Variants in EYS observed in about 807,000 individuals in gnomAD.
EYS encodes EGF-like photoreceptor maintenance factor.
Under a neutral mutation model 282.1 loss-of-function variants are expected in EYS, and 250 were observed. The observed-to-expected ratio is 0.89, with a 90% CI of 0.80 to 0.98. The LOEUF (loss-of-function observed/expected upper bound fraction) is 0.98. Among genes scored for constraint, EYS ranks in the 50% least tolerant of loss-of-function variants. EYS has a pLI of 0.00. For synonymous variants in EYS, 1,355 were observed against 1,282.9 expected (o/e 1.06, Z -1.20); for missense variants, 4,016 against 3,709.0 (o/e 1.08, Z -2.15).
chr6:65,077,157 G>GACAGT (rs1316602339), intron 12 of EYS, among the ~76,000 whole-genome samples: 1 of 152,078 alleles, frequency 6.6e-6, no homozygotes, highest in Admixed American at 6.6e-5. Flanking sequence ...ACTGCTACGA[G>GACAGT]ACAGGATCTA....
At chr6:64,232,673 T>C (rs1766462421) in intron 30 of EYS, among the ~76,000 whole-genome samples, 1 of 152,164 alleles carries the variant, frequency 6.6e-6, no homozygotes, top group Non-Finnish European at 1.5e-5. Flanking sequence ...ATTACAGGTG[T>C]GAGTCACTGC....
intron 12 of EYS, among the ~76,000 whole-genome samples, chr6:65,292,153 TATATA>T (rs1768544725): frequency 6.6e-6 from 1 of 151,708 alleles, no homozygotes; most frequent in African/African-American, 2.4e-5. Flanking sequence ...GCAACGGGCT[TATATA>T]ATATCTCCTA....
chr6:63,916,937 T>A (rs1383684035), intron 35 of EYS, among the ~76,000 whole-genome samples: 1 of 152,174 alleles, frequency 6.6e-6, no homozygotes, highest in Admixed American at 6.5e-5. Flanking sequence ...ATTAATCTTG[T>A]CTCATGTTAG....
chr6:64,806,598 A>G (rs1034852161), intron 22 of EYS, among the ~76,000 whole-genome samples: 5 of 152,168 alleles, frequency 3.3e-5, no homozygotes, highest in Non-Finnish European at 7.4e-5. Context: ...ATTAGTGTGA[A>G]TTAATTATGC....
intron 35 of EYS, among the ~76,000 whole-genome samples, chr6:63,901,228 G>A (rs1445480522): frequency 6.6e-6 from 1 of 152,124 alleles, no homozygotes; most frequent in Non-Finnish European, 1.5e-5. Context: ...TAGTTGAAAT[G>A]TACAAAGACA....
At chr6:65,592,202 TA>T (rs1266674021) in intron 2 of EYS, among the ~76,000 whole-genome samples, 2 of 151,910 alleles carry the variant, frequency 1.3e-5, no homozygotes, top group African/African-American at 2.4e-5. Flanking sequence ...TTCATAACTT[TA>T]AAAAAAGCCT....
chr6:64,960,919 G>C (rs1002098426), intron 14 of EYS, among the ~76,000 whole-genome samples: 2 of 152,070 alleles, frequency 1.3e-5, no homozygotes, highest in Admixed American at 6.6e-5. Context: ...TTGGTTTTCT[G>C]TTCCTGGGTT....
chr6:65,311,283 T>A (rs1769151996), intron 11 of EYS, among the ~76,000 whole-genome samples: 1 of 152,126 alleles, frequency 6.6e-6, no homozygotes, highest in Non-Finnish European at 1.5e-5. Flanking sequence ...GGGACATAAG[T>A]TTTACATTTA....
intron 12 of EYS, among the ~76,000 whole-genome samples, chr6:65,233,250 A>G (rs1022906569): frequency 3.9e-5 from 6 of 151,960 alleles, no homozygotes; most frequent in African/African-American, 1.2e-4. Context: ...TGTGTCATAT[A>G]TTTCTGTTGC....
At chr6:65,194,348 A>G (rs1325441543) in intron 12 of EYS, among the ~76,000 whole-genome samples, 1 of 151,994 alleles carries the variant, frequency 6.6e-6, no homozygotes, top group African/African-American at 2.4e-5. Context: ...AAATCAACTT[A>G]TAACTATCTA....
intron 26 of EYS, among the ~76,000 whole-genome samples, chr6:64,448,602 C>T (rs553381198): frequency 2.9e-4 from 44 of 152,278 alleles, no homozygotes; most frequent in Admixed American, 1.7e-3. Context: ...TGGGAGGCAC[C>T]CCCCAGTAGG....
At position 65,205,119 on chromosome 6, in the gene EYS, A is replaced by C. The variant is rs925266412; in HGVS notation, c.2023+90744T>G. Among the ~76,000 whole-genome samples the C allele has an allele frequency of 1.4e-4, 20 of 148,006 alleles. 1 individual carries two copies. Among genetic ancestry groups the C allele is most frequent in the Admixed American group, 8.2e-4 (12 of 14,720 alleles). On this transcript the variant is annotated intron_variant, in intron 12 of 42. Transcript: ENST00000503581. ...ATATATTCTAGAAGAATATATATAT[A>C]TATCTATCTCCAACTGTCGGCTGCC...
chr6:65,673,848 C>G (rs1768484529), intron 1 of EYS, among the ~76,000 whole-genome samples: 1 of 151,944 alleles, frequency 6.6e-6, no homozygotes, highest in Admixed American at 6.6e-5. Flanking sequence ...TCTACCCATA[C>G]AGTGAAAGTG....
chr6:64,471,890 G>C (rs1776132675), intron 26 of EYS, among the ~76,000 whole-genome samples: 1 of 152,156 alleles, frequency 6.6e-6, no homozygotes, highest in Non-Finnish European at 1.5e-5. Flanking sequence ...ATAAGTTCTA[G>C]TCTTCAATAG....
At chr6:64,245,168 A>C (rs1485719037) in intron 30 of EYS, among the ~76,000 whole-genome samples, 2 of 152,144 alleles carry the variant, frequency 1.3e-5, no homozygotes, top group South Asian at 4.1e-4. Flanking sequence ...AATGTCCATC[A>C]ATGATAGACT....
In EYS at chr6:64,913,504, T is replaced by A. The variant is rs143537530; in HGVS notation, c.2382-761A>T. On this transcript the variant is annotated intron_variant, in intron 15 of 42. Coordinates refer to ENST00000503581, the MANE Select transcript of EYS (RefSeq NM_001142800.2). ...GCTTCCACTTGCAAGTGAGAAAATA[T>A]GATATTAGATTTTCTGTTTCTGCAT... Among the ~76,000 whole-genome samples the A allele has an allele frequency of 3.3e-3, 499 of 152,232 alleles. 4 individuals are homozygous for A. Among genetic ancestry groups the A allele is most frequent in the South Asian group, 0.017 (80 of 4,830 alleles).
chr6:63,762,492 A>G lies in EYS; in HGVS notation c.8040T>C (p.Pro2680=), dbSNP rs1172760623. The change falls in exon 41 of 43, where the codon CCT becomes CCC. Residue 2680 remains proline, a synonymous_variant. Coordinates refer to ENST00000503581, the MANE Select transcript of EYS (RefSeq NM_001142800.2). ...SLPHGYTCFC[P]LGTTGIYCEQ... ...CACAGTAGATTCCAGTGGTTCCTAG[A>G]GGACAGAAACAGGTGTATCCATGAG... 6.5e-7 allele frequency: 1 copy of G among 1,550,246 alleles called. No individual in the cohort carries two copies. The highest frequency in any genetic ancestry group is 2.4e-5 in the East Asian group (1 of 40,882).
In EYS at chr6:65,295,886, C is replaced by G. The variant is rs549456693; in HGVS notation, c.2000G>C (p.Arg667Pro). The change falls in exon 12 of 43, where the codon CGC becomes CCC. Residue 667 changes from arginine (R) to proline (P), a missense_variant. Arg to Pro is a moderately radical substitution (Grantham distance 103). Transcript: ENST00000503581. ...TSTHLRGYFF[R>P]KCVPGFKGTQ... is the part of the protein sequence containing the mutation. ...GCCTTTAAATCCTGGGACACACTTG[C>G]GGAAGAAATATCCCCTTAAATGTGT... The G allele has an allele frequency of 5.2e-6, 8 of 1,547,514 alleles. No individual in the cohort carries two copies. Among genetic ancestry groups the G allele is most frequent in the South Asian group, 4.8e-5 (4 of 82,792 alleles).
intron 31 of EYS, among the ~76,000 whole-genome samples, chr6:64,186,215 T>C (rs1764940700): frequency 6.6e-6 from 1 of 150,986 alleles, no homozygotes; most frequent in Admixed American, 6.6e-5. Context: ...GAAACCTAGA[T>C]GATTGTGGGT....
Sources: gnomAD v4.1 joint callset for allele counts (sites outside exome capture counted in the v4.1 genomes callset) on GRCh38, gnomAD v4.1.1 for gene constraint, MANE v1.5 for transcripts, NCBI Gene and HGNC (gene_info 2026-07-23, HGNC 2026-07-21) for gene names.